Variants in ZBTB7A observed in about 807,000 individuals in gnomAD.
The protein encoded by ZBTB7A is zinc finger and BTB domain containing 7A, also known as zinc finger and BTB domain-containing protein 7A.
ZBTB7A carries 7 observed loss-of-function variants against 26.7 expected under a neutral mutation model. The ratio of observed to expected loss-of-function variants is 0.26; its 90% confidence interval spans 0.15 to 0.49. ZBTB7A has a LOEUF of 0.49. ZBTB7A is among the 20% of genes least tolerant of loss of function. The pLI, the probability that ZBTB7A is intolerant of heterozygous loss-of-function variation, is 0.98. For synonymous variants in ZBTB7A, 452 were observed against 441.0 expected (o/e 1.02, Z -0.31); for missense variants, 617 against 919.5 (o/e 0.67, Z 4.25).
intron 2 of ZBTB7A, among the ~76,000 whole-genome samples, chr19:4,050,131 G>T (rs1425331234): frequency 6.6e-6 from 1 of 152,016 alleles, no homozygotes; most frequent in Admixed American, 6.6e-5. Context: ...CACCATGTTG[G>T]CCGGGCTGGT....
chr19:4,046,907 G>A lies in ZBTB7A; in HGVS notation c.*845C>T, dbSNP rs979936248. On this transcript the variant is annotated 3_prime_UTR_variant, in exon 3 of 3. Transcript: ENST00000322357. ...ACAGAAGTTTTGAATCTCCAAACGT[G>A]GGGGTCTAGGTGGACCGGGCGGGGG... is the stretch of plus-strand genomic sequence containing the variant. The A allele has an allele frequency of 5.9e-5, 9 of 151,430 alleles. No individual in the cohort carries two copies. The highest frequency in any genetic ancestry group is 1.5e-5 in the Non-Finnish European group (1 of 67,800). 9.4% of individuals were successfully genotyped at this position (151,430 alleles called of 1,614,324 possible).
intron 1 of ZBTB7A, among the ~76,000 whole-genome samples, chr19:4,062,480 CAAACGGG>C (rs1018256074): frequency 6.6e-6 from 1 of 152,182 alleles, no homozygotes; most frequent in Non-Finnish European, 1.5e-5. Flanking sequence ...CCCCATTTTG[CAAACGGG>C]GAACGGGATC....
At position 4,053,647 on chromosome 19, in the gene ZBTB7A, CTG is replaced by C. The variant is rs1475547467; in HGVS notation, c.1262+322_1262+323del. Among the ~76,000 whole-genome samples, 14 of 146,228 alleles carry C rather than the reference CTG, an allele frequency of 9.6e-5. No homozygotes were observed. The East Asian group carries it at 2.0e-3, about 21-fold the overall frequency. Reference sequence around the variant, plus strand: ...GGTGTGCATCTGTGTCTGCATGTGTCTGTGTAGCATGTCTGTATGTGTATGTG... The same window carrying C: ...GGTGTGCATCTGTGTCTGCATGTGTCTGTAGCATGTCTGTATGTGTATGTG... On this transcript the variant is annotated intron_variant, in intron 2 of 2. Coordinates refer to ENST00000322357, the MANE Select transcript of ZBTB7A (RefSeq NM_015898.4).
Position 4,050,356 on chromosome 19 carries a change from C to G in ZBTB7A, c.1263-2112G>C, listed in dbSNP as rs957976690. Among the ~76,000 whole-genome samples, 5 of 152,344 alleles carry G rather than the reference C, an allele frequency of 3.3e-5. No homozygotes were observed. The East Asian group carries it at 9.7e-4, about 29-fold the overall frequency. ...GATTACAGGCGTGAGCCACCGCGCC[C>G]GGCCGGTCTCTCTTGTTTCTGTTGA... On this transcript the variant is annotated intron_variant, in intron 2 of 2. Coordinates refer to ENST00000322357, the MANE Select transcript of ZBTB7A (RefSeq NM_015898.4).
chr19:4,048,135 G>A lies in ZBTB7A; in HGVS notation c.1372C>T (p.Arg458Cys). The A allele has an allele frequency of 6.2e-7, 1 of 1,610,306 alleles. No homozygotes were observed. Among genetic ancestry groups the A allele is most frequent in the Non-Finnish European group, 8.5e-7 (1 of 1,179,058 alleles). ...AHNYDLKNHM[R>C]VHTGLRPYQC... Reference sequence around the variant, plus strand: ...TAGGGGCGCAGGCCCGTGTGCACGCGCATGTGGTTCTTCAGGTCGTAGTTG... The same window carrying A: ...TAGGGGCGCAGGCCCGTGTGCACGCACATGTGGTTCTTCAGGTCGTAGTTG... The change falls in exon 3 of 3, where the codon CGC becomes TGC. Residue 458 changes from arginine to cysteine, a missense_variant. By Grantham distance (180) the Arg-to-Cys change is radical. This residue lies in a region of ZBTB7A where 41 missense variants were observed against 167.6 expected (regional missense o/e 0.24). Transcript: ENST00000322357. This position sits in a 1 kb window ranked among gnomAD's most constrained non-coding sequence, Gnocchi z 6.7.
intron 1 of ZBTB7A, among the ~76,000 whole-genome samples, chr19:4,064,702 G>C (rs371521989): frequency 7.9e-5 from 12 of 152,246 alleles, no homozygotes; most frequent in African/African-American, 2.4e-4. Flanking sequence ...AGCTGGCAGG[G>C]AGGTGGGGGG....
At position 4,043,676 on chromosome 19, in the gene ZBTB7A, C is replaced by G. The variant is rs1037400540; in HGVS notation, c.*4076G>C. ...GTCCACAGCCTCCAGGCAGCCCCGG[C>G]GAGGGATGGGGGTCTCCCTGGCCCC... On this transcript the variant is annotated 3_prime_UTR_variant, in exon 3 of 3. Coordinates refer to ENST00000322357, the MANE Select transcript of ZBTB7A (RefSeq NM_015898.4). Among the ~76,000 whole-genome samples the G allele has an allele frequency of 1.4e-5, 2 of 146,910 alleles. No individual in the cohort carries two copies. The highest frequency in any genetic ancestry group is 2.0e-4 in the East Asian group (1 of 4,910).
intron 1 of ZBTB7A, among the ~76,000 whole-genome samples, chr19:4,062,484 C>T (rs890342894): frequency 2.0e-5 from 3 of 152,190 alleles, no homozygotes; most frequent in African/African-American, 7.2e-5. Flanking sequence ...ATTTTGCAAA[C>T]GGGGAACGGG....
chr19:4,066,439 C>T (rs1325673414), intron 1 of ZBTB7A, among the ~76,000 whole-genome samples: 5 of 150,744 alleles, frequency 3.3e-5, no homozygotes, highest in African/African-American at 9.8e-5. Context: ...GGGGGGCTGG[C>T]GCACAAGCTC....
In ZBTB7A at chr19:4,054,942, G is replaced by A. The variant is rs143935232; in HGVS notation, c.291C>T (p.Leu97=). Residue 97 remains leucine (L), a synonymous_variant, in exon 2 of 3, where the codon CTC becomes CTT. Transcript: ENST00000322357. ...ALMDFAYTAT[L]TVSTANVGDI... ...CACCCACGTTGGCTGTGCTGACGGT[G>A]AGCGTGGCCGTGTAGGCGAAGTCCA... is the stretch of plus-strand genomic sequence containing the variant. The A allele has an allele frequency of 1.2e-6, 2 of 1,611,674 alleles. No homozygotes were observed. Among genetic ancestry groups the A allele is most frequent in the African/African-American group, 2.7e-5 (2 of 74,916 alleles).
Position 4,048,292 on chromosome 19 carries a change from C to G in ZBTB7A, c.1263-48G>C. ...GCACGGTCAGTGGGGCCGGGGACCC[C>G]CGATCCCCGCCCAGGGACCCTCACG... On this transcript the variant is annotated intron_variant, in intron 2 of 2. Coordinates refer to ENST00000322357, the MANE Select transcript of ZBTB7A (RefSeq NM_015898.4). The surrounding 1 kb of genome is among the most constrained non-coding windows in gnomAD (Gnocchi z 6.7). 6.6e-7 allele frequency: 1 copy of G among 1,511,922 alleles called. No individual in the cohort carries two copies. Among genetic ancestry groups the G allele is most frequent in the South Asian group, 1.2e-5 (1 of 80,548 alleles). The allele number at this position is 1,511,922 out of a possible 1,614,324, so 93.7% of individuals were successfully genotyped here. A position where few individuals can be genotyped will look rare whatever the true frequency, so the allele number is the denominator to read the frequency against.
At chr19:4,051,092 GTC>G (rs1214679075) in intron 2 of ZBTB7A, among the ~76,000 whole-genome samples, 1 of 69,872 alleles carries the variant, frequency 1.4e-5, no homozygotes, top group East Asian at 4.0e-4. Flanking sequence ...AGCAAGACTC[GTC>G]TCAAAAAAAA....
chr19:4,060,991 C>CT (rs1411178166), intron 1 of ZBTB7A, among the ~76,000 whole-genome samples: 1 of 152,164 alleles, frequency 6.6e-6, no homozygotes, highest in Non-Finnish European at 1.5e-5. Context: ...GCTGTGTGAC[C>CT]TTGGGCAAGA....
At position 4,054,370 on chromosome 19, in the gene ZBTB7A, G is replaced by C; in HGVS notation, c.863C>G (p.Pro288Arg). The change falls in exon 2 of 3, where the codon CCC (proline) becomes CGC (arginine). Residue 288 changes from proline to arginine, a missense_variant. Physicochemically the swap from Pro to Arg is moderately radical, Grantham distance 103. This residue lies in a region of ZBTB7A where 331 missense variants were observed against 391.3 expected (regional missense o/e 0.85). Transcript: ENST00000322357. ...GAAGCCCGGAGAGTCGCCCGGCTCG[G>C]GGGCCGCCTCCGACAGCGAGGCGGC... ...EEAASLSEAA[P>R]EPGDSPGFLS... 1 of 1,452,132 alleles carries C rather than the reference G, an allele frequency of 6.9e-7. No homozygotes were observed. The highest frequency in any genetic ancestry group is 9.0e-7 in the Non-Finnish European group (1 of 1,113,494). The allele number at this position is 1,452,132 out of a possible 1,614,324, so 90.0% of individuals were successfully genotyped here.
intron 1 of ZBTB7A, 55 bp from the exon 2 acceptor site, chr19:4,055,302 T>G (rs1489821202): frequency 5.6e-6 from 8 of 1,430,646 alleles, no homozygotes; most frequent in Non-Finnish European, 7.3e-6. Context: ...GGGGTTCCTG[T>G]GCCCACTGAC....
intron 1 of ZBTB7A, among the ~76,000 whole-genome samples, chr19:4,060,501 C>A (rs2040627770): frequency 6.6e-6 from 1 of 152,366 alleles, no homozygotes; most frequent in South Asian, 2.1e-4. Flanking sequence ...GGTGAGGCGG[C>A]CCAGTCGAGG....
chr19:4,049,606 C>T (rs1051808496), intron 2 of ZBTB7A, among the ~76,000 whole-genome samples: 2 of 152,120 alleles, frequency 1.3e-5, no homozygotes, highest in Non-Finnish European at 2.9e-5. Context: ...GGTTTTAGCA[C>T]TGAAAGTCCT....
intron 1 of ZBTB7A, among the ~76,000 whole-genome samples, chr19:4,059,360 A>G (rs2040616513): frequency 6.6e-6 from 1 of 152,034 alleles, no homozygotes; most frequent in Non-Finnish European, 1.5e-5. Context: ...CAGTGTGAAG[A>G]TCCCAGTTCC....
intron 2 of ZBTB7A, among the ~76,000 whole-genome samples, chr19:4,050,531 G>A (rs1258030463): frequency 2.0e-5 from 3 of 152,182 alleles, no homozygotes; most frequent in Non-Finnish European, 2.9e-5. Context: ...CTACAAAGCC[G>A]GTCACCATAT....
Sources: gnomAD v4.1 joint callset for allele counts (sites outside exome capture counted in the v4.1 genomes callset) on GRCh38, gnomAD v4.1.1 for gene constraint, gnomAD v4.1.1 regional missense constraint, Gnocchi (gnomAD v3.1) non-coding constraint, MANE v1.5 for transcripts, NCBI Gene and HGNC (gene_info 2026-07-23, HGNC 2026-07-21) for gene names.